The following ZMYM4 variants were observed in gnomAD, a reference collection of about 807,000 sequenced individuals.
The protein encoded by ZMYM4 is zinc finger MYM-type protein 4.
In ZMYM4, 31 loss-of-function variants were observed where a neutral mutation model predicts 183.2. That is an observed-to-expected ratio of 0.17 (90% CI 0.13 to 0.23). ZMYM4 has a LOEUF of 0.23. Among genes scored for constraint, ZMYM4 ranks in the 10% least tolerant of loss-of-function variants. The probability of loss-of-function intolerance (pLI) is 1.00; values close to 1 mark genes in which losing one functional copy is unlikely to be tolerated. For synonymous variants in ZMYM4, 592 were observed against 631.2 expected (o/e 0.94, Z 0.93); for missense variants, 1,273 against 1,840.3 (o/e 0.69, Z 5.64).
rs966150637 is a variant in ZMYM4, at chr1:35,268,982, C to CG, written c.-59dup. 2.0e-5 allele frequency: 30 copies of CG among 1,483,662 alleles called. No homozygotes were observed. The Admixed American group carries it at 5.0e-4, about 25-fold the overall frequency. The allele number at this position is 1,483,662 out of a possible 1,614,324, so 91.9% of individuals were successfully genotyped here. On this transcript the variant is annotated 5_prime_UTR_variant, in exon 1 of 30. Coordinates refer to ENST00000314607, the MANE Select transcript of ZMYM4 (RefSeq NM_005095.3). ...CCGTGCCTGCAGTGTGGGCGGGGGC[C>CG]GGGGGGCCGAGAGGTACCGCCGCCA...
Position 35,312,947 on chromosome 1 carries a change from G to C in ZMYM4, c.40-12413G>C, listed in dbSNP as rs551959624. On this transcript the variant is annotated intron_variant, in intron 1 of 29. Transcript: ENST00000314607. ...CTCGCTCTGTCACCCGGATTGGAGT[G>C]CAGTGGCACGATCTTAGCTCACTGT... is the stretch of plus-strand genomic sequence containing the variant. Among the ~76,000 whole-genome samples the C allele has an allele frequency of 1.2e-3, 190 of 152,332 alleles. 1 individual carries two copies. The highest frequency in any genetic ancestry group is 2.4e-3 in the Non-Finnish European group (162 of 68,030).
chr1:35,381,372 T>C lies in ZMYM4; in HGVS notation c.1295T>C (p.Ile432Thr), dbSNP rs1644454912. The C allele has an allele frequency of 2.5e-6, 4 of 1,612,824 alleles. No individual in the cohort carries two copies. In the South Asian group the frequency reaches 3.3e-5, roughly 13 times the overall value. The change falls in exon 8 of 30, where the codon ATT becomes ACT. Residue 432 changes from isoleucine (I) to threonine (T), a missense_variant. By Grantham distance (89) the Ile-to-Thr change is moderately conservative. Around this residue, in one of 6 missense-constraint regions of ZMYM4, gnomAD observed 319 missense variants for 518.1 expected, o/e 0.62. Coordinates refer to ENST00000314607, the MANE Select transcript of ZMYM4 (RefSeq NM_005095.3). The stretch of plus-strand genomic sequence containing the variant: ...ACATATGAACTGAAAAAAAAACCTA[T>C]TGTTACCATAAATACAAATAGTATT... Reference protein sequence around the residue: ...LSTYELKKKPIVTINTNSIST... With the variant: ...LSTYELKKKPTVTINTNSIST...
At chr1:35,386,222 C>A in intron 11 of ZMYM4, 33 bp downstream of exon 11, 4 of 1,475,034 alleles carry the variant, frequency 2.7e-6, no homozygotes, top group South Asian at 2.3e-5. Context: ...CTTCTTCAGT[C>A]AGTGAGTCAC....
chr1:35,318,137 C>T (rs1642133649), intron 1 of ZMYM4, among the ~76,000 whole-genome samples: 1 of 147,052 alleles, frequency 6.8e-6, no homozygotes, highest in Admixed American at 6.9e-5. Context: ...TGGCTCACTG[C>T]AACCTCTGCC....
chr1:35,398,943 C>G lies in ZMYM4; in HGVS notation c.3333C>G (p.His1111Gln). The G allele has an allele frequency of 1.2e-6, 2 of 1,614,140 alleles. No homozygotes were observed. Among genetic ancestry groups the G allele is most frequent in the East Asian group, 2.2e-5 (1 of 44,870 alleles). ...TPHSWEEELN[H>Q]YALKSNAVQE... The stretch of plus-strand genomic sequence containing the variant: ...ATAGCTGGGAGGAAGAGCTGAATCA[C>G]TATGCCTTAAAGTCAAATGCTGTGC... The change falls in exon 22 of 30, where the codon CAC becomes CAG. Residue 1111 changes from histidine to glutamine, a missense_variant. His to Gln is a conservative substitution (Grantham distance 24). Around this residue, in one of 6 missense-constraint regions of ZMYM4, gnomAD observed 290 missense variants for 353.3 expected, o/e 0.82. Coordinates refer to ENST00000314607, the MANE Select transcript of ZMYM4 (RefSeq NM_005095.3).
chr1:35,410,255 T>A (rs1205102841), intron 26 of ZMYM4, among the ~76,000 whole-genome samples: 1 of 152,094 alleles, frequency 6.6e-6, no homozygotes, highest in Non-Finnish European at 1.5e-5. Flanking sequence ...CTCCACGAGG[T>A]TTGGAAGGCA....
intron 1 of ZMYM4, among the ~76,000 whole-genome samples, chr1:35,305,400 A>G (rs771985744): frequency 4.5e-4 from 69 of 151,870 alleles, no homozygotes; most frequent in Non-Finnish European, 7.1e-4. Flanking sequence ...TGTCTTGTTG[A>G]TGATCATATT....
intron 2 of ZMYM4, among the ~76,000 whole-genome samples, chr1:35,334,700 G>C (rs1002121599): frequency 3.3e-5 from 5 of 152,124 alleles, no homozygotes; most frequent in Non-Finnish European, 7.4e-5. Context: ...AGAAGATTCA[G>C]ATATACATAA....
intron 2 of ZMYM4, among the ~76,000 whole-genome samples, chr1:35,347,164 C>T (rs1444357106): frequency 6.6e-6 from 1 of 152,220 alleles, no homozygotes; most frequent in Non-Finnish European, 1.5e-5. Flanking sequence ...CGCCACCACA[C>T]CTGGCTAATT....
chr1:35,373,608 T>C (rs985496773), intron 7 of ZMYM4, among the ~76,000 whole-genome samples: 2 of 150,480 alleles, frequency 1.3e-5, no homozygotes, highest in African/African-American at 4.9e-5. Context: ...TTGGTCAGGC[T>C]GGTCTCAAAC....
In ZMYM4 at chr1:35,378,669, T is replaced by A. The variant is rs139157127; in HGVS notation, c.1182-2590T>A. 8.5e-5 allele frequency among the ~76,000 whole-genome samples: 13 copies of A among 152,308 alleles called. 2 individuals are homozygous for A. The highest frequency in any genetic ancestry group is 2.6e-4 in the African/African-American group (11 of 41,564). Reference sequence around the variant, plus strand: ...ACCAGCTATGTTAGCCCCTAACAAGTCAGTCAGCCTGTCCTTTGAAGCTTT... The same window carrying A: ...ACCAGCTATGTTAGCCCCTAACAAGACAGTCAGCCTGTCCTTTGAAGCTTT... On this transcript the variant is annotated intron_variant, in intron 7 of 29. Coordinates refer to ENST00000314607, the MANE Select transcript of ZMYM4 (RefSeq NM_005095.3).
At chr1:35,390,199 A>G in intron 15 of ZMYM4, 101 bp downstream of exon 15, 1 of 1,283,502 alleles carries the variant, frequency 7.8e-7, no homozygotes. Context: ...CATTAATTTC[A>G]TGAAACCTCA....
At chr1:35,407,393 A>G (rs933689892) in intron 25 of ZMYM4, among the ~76,000 whole-genome samples, 1 of 150,434 alleles carries the variant, frequency 6.6e-6, no homozygotes, top group South Asian at 2.1e-4. Flanking sequence ...GTGCCATTGC[A>G]CCCCAGCCTG....
chr1:35,277,383 A>G (rs1436961985), intron 1 of ZMYM4, among the ~76,000 whole-genome samples: 6 of 152,214 alleles, frequency 3.9e-5, no homozygotes. Flanking sequence ...AGGGGGTGCT[A>G]TAATGATTAC....
intron 1 of ZMYM4, among the ~76,000 whole-genome samples, chr1:35,300,658 G>A (rs1024327942): frequency 1.3e-5 from 2 of 151,956 alleles, no homozygotes; most frequent in South Asian, 2.1e-4. Context: ...CCAATCTTCC[G>A]CAGTGTATAA....
intron 1 of ZMYM4, among the ~76,000 whole-genome samples, chr1:35,290,312 A>G (rs1381516275): frequency 1.3e-5 from 2 of 152,240 alleles, no homozygotes. Flanking sequence ...TATTTTATTC[A>G]GCCATAACTA....
chr1:35,415,774 G>A (rs1640090504), intron 28 of ZMYM4, 60 bp downstream of exon 28: 1 of 1,566,326 alleles, frequency 6.4e-7, no homozygotes, highest in Non-Finnish European at 8.6e-7. Context: ...CTAAAATAGA[G>A]AGTTACTGCA....
At chr1:35,378,240 G>A (rs79175478) in intron 7 of ZMYM4, among the ~76,000 whole-genome samples, 312 of 152,286 alleles carry the variant, frequency 2.0e-3, no homozygotes, top group East Asian at 6.4e-3. Flanking sequence ...TGTGAGGATT[G>A]AAGTTACCTA....
At chr1:35,280,281 C>CCT (rs1372928029) in intron 1 of ZMYM4, among the ~76,000 whole-genome samples, 2 of 141,352 alleles carry the variant, frequency 1.4e-5, no homozygotes, top group Admixed American at 7.5e-5. Context: ...TCTCTCTCTC[C>CCT]CTCTCTCTCT....
Sources: allele counts gnomAD v4.1 joint callset (sites outside exome capture counted in the v4.1 genomes callset), GRCh38; gene constraint gnomAD v4.1.1; regional missense constraint gnomAD v4.1.1; transcripts MANE v1.5; gene names NCBI Gene and HGNC (gene_info 2026-07-23, HGNC 2026-07-21).